NAA60: variants seen among roughly 807,000 people sequenced by gnomAD.
The protein encoded by NAA60 is N-alpha-acetyltransferase 60, NatF catalytic subunit, also known as N-alpha-acetyltransferase 60.
A neutral mutation model predicts 26.1 loss-of-function variants in NAA60; 8 were observed. The observed-to-expected ratio is 0.31, with a 90% CI of 0.18 to 0.55. The LOEUF (loss-of-function observed/expected upper bound fraction) is 0.55, where lower values mean the gene tolerates loss of function less well. Ranked by LOEUF, NAA60 falls within the 20% of genes least tolerant of loss-of-function variation. The pLI, the probability that NAA60 is intolerant of heterozygous loss-of-function variation, is 0.93. For synonymous variants in NAA60, 131 were observed against 122.5 expected, an observed-to-expected ratio of 1.07 and a Z score of -0.46; for missense variants, 290 against 311.3, an observed-to-expected ratio of 0.93 and a Z score of 0.51.
intron 2 of NAA60, among the ~76,000 whole-genome samples, chr16:3,470,833 C>T (rs1001902997): frequency 5.9e-5 from 9 of 152,232 alleles, no homozygotes; most frequent in Non-Finnish European, 1.3e-4. Flanking sequence ...CTCTTCCTTT[C>T]ATGGGCACAC....
intron 1 of NAA60, among the ~76,000 whole-genome samples, chr16:3,445,016 C>A (rs1050118090): frequency 6.6e-6 from 1 of 152,194 alleles, no homozygotes. Flanking sequence ...CAAATGATAT[C>A]TCTTGACAGC....
At chr16:3,465,264 C>CT (rs2035671850) in intron 2 of NAA60, among the ~76,000 whole-genome samples, 1 of 131,746 alleles carries the variant, frequency 7.6e-6, no homozygotes, top group African/African-American at 2.9e-5. Flanking sequence ...GAGACTCTGT[C>CT]TCAAAAAAAA....
chr16:3,485,453 T>C lies in NAA60; in HGVS notation c.*207-14T>C, dbSNP rs1365084416. On this transcript the variant is annotated splice_polypyrimidine_tract_variant and intron_variant, in intron 7 of 7. Transcript: ENST00000407558. ...CCGGGCCTTCACCCTGCCCTGCTCT[T>C]CTCTTTCCCACAGGCTCTTCAGCTC... 14 of 457,582 alleles carry C rather than the reference T, an allele frequency of 3.1e-5. No individual in the cohort carries two copies. Among genetic ancestry groups the C allele is most frequent in the Admixed American group, 2.3e-4 (10 of 42,574 alleles). The allele number at this position is 457,582 out of a possible 1,614,324, so 28.3% of individuals were successfully genotyped here. A position where few individuals can be genotyped will look rare whatever the true frequency, so the allele number is the denominator to read the frequency against.
intron 2 of NAA60, among the ~76,000 whole-genome samples, chr16:3,466,368 C>CT (rs2035762635): frequency 1.3e-5 from 2 of 152,204 alleles, no homozygotes; most frequent in South Asian, 4.1e-4. Flanking sequence ...TTCTGCTGCT[C>CT]TGACACTTTG....
chr16:3,463,698 C>G (rs958300451), intron 2 of NAA60, among the ~76,000 whole-genome samples: 4 of 141,950 alleles, frequency 2.8e-5, no homozygotes, highest in Admixed American at 7.5e-5. Flanking sequence ...GACCCAGTCT[C>G]TACTTAAAAA....
At chr16:3,479,725 C>A in intron 4 of NAA60, 125 bp downstream of exon 4, 2 of 1,111,490 alleles carry the variant, frequency 1.8e-6, no homozygotes, top group Non-Finnish European at 2.5e-6. Context: ...CCAAGGAATC[C>A]AAGTGGCCAA....
intron 2 of NAA60, among the ~76,000 whole-genome samples, chr16:3,466,617 C>T (rs762204679): frequency 3.3e-5 from 5 of 152,168 alleles, no homozygotes; most frequent in Non-Finnish European, 5.9e-5. Flanking sequence ...AGCTAGTAAA[C>T]CTTGCAGCTG....
intron 3 of NAA60, among the ~76,000 whole-genome samples, chr16:3,478,695 G>A (rs962290007): frequency 6.6e-6 from 1 of 152,168 alleles, no homozygotes; most frequent in African/African-American, 2.4e-5. Flanking sequence ...TTAAGGGCGG[G>A]TTCCTCCCTG....
At chr16:3,476,650 T>C (rs559891460) in intron 3 of NAA60, among the ~76,000 whole-genome samples, 1 of 152,076 alleles carries the variant, frequency 6.6e-6, no homozygotes, top group East Asian at 1.9e-4. Context: ...CAGCAAGGAG[T>C]TGGTTACATG....
chr16:3,457,296 A>C (rs1168453949), intron 2 of NAA60, among the ~76,000 whole-genome samples: 3 of 138,894 alleles, frequency 2.2e-5, no homozygotes, highest in Non-Finnish European at 4.5e-5. Flanking sequence ...AAAAACAAAA[A>C]ACCCAAAAAA....
intron 1 of NAA60, among the ~76,000 whole-genome samples, chr16:3,445,933 C>T (rs1361419283): frequency 1.3e-5 from 2 of 152,096 alleles, no homozygotes; most frequent in Non-Finnish European, 2.9e-5. Flanking sequence ...CCAAGATAGA[C>T]CAAGATTGAA....
intron 2 of NAA60, among the ~76,000 whole-genome samples, chr16:3,474,650 G>C (rs1161708543): frequency 1.3e-5 from 2 of 152,238 alleles, no homozygotes; most frequent in South Asian, 2.1e-4. Flanking sequence ...GATAAAAGAC[G>C]AGGTCTTTCC....
At chr16:3,444,615 T>G (rs2034475557) in intron 1 of NAA60, among the ~76,000 whole-genome samples, 1 of 152,142 alleles carries the variant, frequency 6.6e-6, no homozygotes, top group Non-Finnish European at 1.5e-5. Context: ...GGTAATGTGA[T>G]TTTGTGGAAT....
chr16:3,470,809 C>T (rs183407554), intron 2 of NAA60, among the ~76,000 whole-genome samples: 2 of 152,356 alleles, frequency 1.3e-5, no homozygotes, highest in Non-Finnish European at 2.9e-5. Context: ...TACAGCCATG[C>T]TCTTTGACCC....
chr16:3,484,634 C>G, intron 6 of NAA60, 65 bp from the exon 7 acceptor site: 3 of 1,544,082 alleles, frequency 1.9e-6, no homozygotes, highest in Non-Finnish European at 2.6e-6. Flanking sequence ...TGCGCGGGCC[C>G]CTGATGACTG....
intron 2 of NAA60, among the ~76,000 whole-genome samples, chr16:3,465,379 C>A (rs1596316738): frequency 7.4e-6 from 1 of 134,528 alleles, no homozygotes; most frequent in Admixed American, 7.8e-5. Flanking sequence ...GCGTTCTGTC[C>A]TTCTCTTGGG....
intron 4 of NAA60, among the ~76,000 whole-genome samples, 163 bp downstream of exon 4, chr16:3,479,763 C>CTA (rs2036709066): frequency 6.6e-6 from 1 of 150,994 alleles, no homozygotes; most frequent in African/African-American, 2.4e-5. Context: ...TGGTGCTTTT[C>CTA]TGTGTGTGTG....
At chr16:3,471,368 T>TAG (rs2036131599) in intron 2 of NAA60, among the ~76,000 whole-genome samples, 2 of 151,970 alleles carry the variant, frequency 1.3e-5, no homozygotes, top group South Asian at 4.2e-4. Context: ...CCAGGTGTGG[T>TAG]AGCAGGCCCC....
At chr16:3,447,374 A>G (rs1305618304) in intron 1 of NAA60, 1 of 611,592 alleles carries the variant, frequency 1.6e-6, no homozygotes, top group African/African-American at 2.0e-5. Flanking sequence ...TGATGCAGGC[A>G]TGCAATGTGT....
Sources: allele counts gnomAD v4.1 joint callset (sites outside exome capture counted in the v4.1 genomes callset), GRCh38; gene constraint gnomAD v4.1.1; transcripts MANE v1.5; gene names NCBI Gene and HGNC (gene_info 2026-07-23, HGNC 2026-07-21).